ARL10: variants seen among roughly 807,000 people sequenced by gnomAD.
ARL10 encodes the protein ADP-ribosylation factor-like protein 10.
A neutral mutation model predicts 26.1 loss-of-function variants in ARL10; 23 were observed. The ratio of observed to expected loss-of-function variants is 0.88; its 90% CI spans 0.63 to 1.25. The LOEUF (loss-of-function observed/expected upper bound fraction) is 1.25, where lower values mean the gene tolerates loss of function less well. Ranked by LOEUF, ARL10 falls within the 50% of genes most tolerant of loss-of-function variation. The probability of loss-of-function intolerance (pLI) is 0.00; values close to 1 mark genes in which losing one functional copy is unlikely to be tolerated. For missense variants in ARL10, 300 were observed against 323.6 expected, an observed-to-expected ratio of 0.93 and a Z score of 0.56; for synonymous variants, 138 against 149.1, an observed-to-expected ratio of 0.93 and a Z score of 0.54.
At position 176,371,931 on chromosome 5, in the gene ARL10, A is replaced by C. The variant is rs1162350959; in HGVS notation, c.*36A>C. The C allele has an allele frequency of 6.2e-6, 10 of 1,604,384 alleles. No individual in the cohort carries two copies. Among genetic ancestry groups the C allele is most frequent in the African/African-American group, 4.0e-5 (3 of 74,620 alleles). On this transcript the variant is annotated 3_prime_UTR_variant, in exon 4 of 4. Transcript: ENST00000310389. ...TCCTGCTTGCCACCTGCCTGTCAAG[A>C]CCATAGTTGTACTGCTGCTGCTTCA...
chr5:176,410,698 G>A, the ARL10 span, among the ~76,000 whole-genome samples: 1 of 151,616 alleles, frequency 6.6e-6, no homozygotes, highest in Non-Finnish European at 1.5e-5. Flanking sequence ...CTGGTGAGTA[G>A]GCTGAGCTGC....
intron 1 of ARL10, among the ~76,000 whole-genome samples, chr5:176,394,551 C>T (rs975408747): frequency 4.6e-5 from 7 of 151,882 alleles, no homozygotes; most frequent in Non-Finnish European, 7.4e-5. Context: ...GGCGCGGTGG[C>T]TCATGCCTGT....
At chr5:176,413,910 C>T in the ARL10 span, among the ~76,000 whole-genome samples, 1 of 152,192 alleles carries the variant, frequency 6.6e-6, no homozygotes, top group Admixed American at 6.5e-5. Context: ...CCGGCACCTC[C>T]CTGGAAGAAG....
At chr5:176,406,755 C>T, downstream of ARL10, 1 of 1,253,422 alleles carries the variant, frequency 8.0e-7, no homozygotes, top group Non-Finnish European at 1.0e-6. Context: ...TGTCTGGGAT[C>T]CTTGAAAGTG....
At chr5:176,367,002 CTTTTTTT>C (rs67066126) in intron 2 of ARL10, among the ~76,000 whole-genome samples, 42 of 106,532 alleles carry the variant, frequency 3.9e-4, no homozygotes, top group African/African-American at 1.6e-3. Flanking sequence ...CCTTTCTAGT[CTTTTTTT>C]TTTTTTTTTT....
At chr5:176,391,729 G>A (rs1378001261), downstream of ARL10, among the ~76,000 whole-genome samples, 2 of 152,234 alleles carry the variant, frequency 1.3e-5, no homozygotes, top group African/African-American at 4.8e-5. Context: ...GCTAAGGGAT[G>A]CCTGAGGCTA....
downstream of ARL10, chr5:176,388,675 T>G: frequency 2.2e-6 from 3 of 1,337,022 alleles, no homozygotes; most frequent in East Asian, 6.9e-5. Flanking sequence ...AGCACTACCG[T>G]GCTGAGCACT....
chr5:176,397,153 C>T (rs944910033), intron 1 of ARL10, among the ~76,000 whole-genome samples: 3 of 152,240 alleles, frequency 2.0e-5, no homozygotes, highest in African/African-American at 7.2e-5. Context: ...CCATCTCCTC[C>T]GTGCCTACCC....
the ARL10 span, among the ~76,000 whole-genome samples, chr5:176,411,977 C>A: frequency 1.3e-5 from 2 of 151,940 alleles, no homozygotes; most frequent in Non-Finnish European, 2.9e-5. Context: ...GAGATCGAGA[C>A]CATCCTGGCT....
chr5:176,384,770 A>G (rs113747452), downstream of ARL10: 148 of 337,424 alleles, frequency 4.4e-4, no homozygotes, highest in African/African-American at 2.9e-3. Context: ...ATTCTGTCTC[A>G]AAAAAAAGAC....
chr5:176,397,245 C>G (rs563364125), intron 1 of ARL10, among the ~76,000 whole-genome samples: 4 of 152,100 alleles, frequency 2.6e-5, no homozygotes, highest in African/African-American at 9.7e-5. Context: ...GACCTTGTAC[C>G]GTGAAGGACA....
chr5:176,395,090 C>T (rs1379056822), intron 1 of ARL10, among the ~76,000 whole-genome samples: 1 of 149,720 alleles, frequency 6.7e-6, no homozygotes, highest in African/African-American at 2.5e-5. Context: ...CCCACCCATC[C>T]CCACCATCCC....
intron 1 of ARL10, among the ~76,000 whole-genome samples, chr5:176,366,125 A>T (rs1033470274): frequency 1.3e-5 from 2 of 151,804 alleles, no homozygotes; most frequent in Non-Finnish European, 2.9e-5. Context: ...GTCGGGAGAA[A>T]CCCCATCCCC....
At chr5:176,371,643 G>C in intron 3 of ARL10, 79 bp from the exon 4 acceptor site, 1 of 1,175,952 alleles carries the variant, frequency 8.5e-7, no homozygotes, top group South Asian at 1.3e-5. Flanking sequence ...CCTAAGAACA[G>C]TGTGTTTCAT....
the ARL10 span, among the ~76,000 whole-genome samples, chr5:176,410,540 T>C: frequency 6.6e-6 from 1 of 152,184 alleles, no homozygotes; most frequent in Non-Finnish European, 1.5e-5. Flanking sequence ...GCAATGAAAT[T>C]GTTGTCAACC....
chr5:176,403,757 T>TTG (rs1202870072), downstream of ARL10, among the ~76,000 whole-genome samples: 1 of 150,494 alleles, frequency 6.6e-6, no homozygotes, highest in Non-Finnish European at 1.5e-5. Flanking sequence ...CGGCCTGTTT[T>TTG]TGTGTGTGTG....
At chr5:176,407,133 C>A in the ARL10 span, among the ~76,000 whole-genome samples, 1 of 152,136 alleles carries the variant, frequency 6.6e-6, no homozygotes, top group African/African-American at 2.4e-5. Context: ...TCAGATTCAC[C>A]CACAGCTCAC....
rs779312966 is a variant in ARL10, at chr5:176,366,490, G to C, written c.294G>C (p.Ser98=). 1.2e-6 allele frequency: 2 copies of C among 1,614,022 alleles called. No individual in the cohort carries two copies. Among genetic ancestry groups the C allele is most frequent in the South Asian group, 2.2e-5 (2 of 91,080 alleles). ...AGAGCACGTTCCTGCGCGTGTTGTC[G>C]GGGAAGCCACCGCTGGAAGGCCACA... is the stretch of plus-strand genomic sequence containing the variant. The part of the protein sequence containing the change: ...AGKSTFLRVL[S]GKPPLEGHIP... The change falls in exon 2 of 4, where the codon TCG becomes TCC. Residue 98 remains serine (S), a synonymous_variant. Transcript: ENST00000310389.
At chr5:176,404,315 C>G (rs1443274875), downstream of ARL10, among the ~76,000 whole-genome samples, 1 of 152,244 alleles carries the variant, frequency 6.6e-6, no homozygotes, top group Non-Finnish European at 1.5e-5. Flanking sequence ...CTGGGACGCA[C>G]CCCCACACAC....
Sources: gnomAD v4.1 joint callset for allele counts (sites outside exome capture counted in the v4.1 genomes callset) on GRCh38, gnomAD v4.1.1 for gene constraint, MANE v1.5 for transcripts, NCBI Gene and HGNC (gene_info 2026-07-23, HGNC 2026-07-21) for gene names.